The following CHRND variants were observed in gnomAD, a reference collection of about 807,000 sequenced individuals.
The protein encoded by CHRND is cholinergic receptor nicotinic delta subunit.
Under a neutral mutation model 57.8 loss-of-function variants are expected in CHRND, and 40 were observed. That is an observed-to-expected ratio of 0.69 (90% confidence interval 0.54 to 0.90). CHRND has a LOEUF of 0.90. CHRND is among the 40% of genes least tolerant of loss of function. CHRND has a pLI of 0.00. For synonymous variants in CHRND, 237 were observed against 270.6 expected (o/e 0.88, Z 1.22); for missense variants, 634 against 673.9 (o/e 0.94, Z 0.66).
Position 232,535,149 on chromosome 2 carries a change from G to C in CHRND, c.1391G>C (p.Arg464Pro). 6.2e-7 allele frequency: 1 copy of C among 1,614,150 alleles called. No homozygotes were observed. The highest frequency in any genetic ancestry group is 8.5e-7 in the Non-Finnish European group (1 of 1,180,028). The change falls in exon 12 of 12, where the codon CGA becomes CCA. Residue 464 changes from arginine to proline, a missense_variant. Arg to Pro is a moderately radical substitution (Grantham distance 103). Coordinates refer to ENST00000258385, the MANE Select transcript of CHRND (RefSeq NM_000751.3). ...CCACAGGAGAAAGACAGCTGGAACC[G>C]AGTGGCCCGCACAGTGGACCGCCTC... The part of the protein sequence containing the change: ...NYNEEKDSWN[R>P]VARTVDRLCL...
Position 232,530,130 on chromosome 2 carries a change from C to T in CHRND, c.811C>T (p.Pro271Ser), listed in dbSNP as rs1691631338. The T allele has an allele frequency of 6.2e-7, 1 of 1,613,990 alleles. No homozygotes were observed. Among genetic ancestry groups the T allele is most frequent in the Admixed American group, 1.7e-5 (1 of 60,004 alleles). The change falls in exon 7 of 12, where the codon CCG (proline) becomes TCG (serine). Residue 271 changes from proline (P) to serine (S), a missense_variant. Coordinates refer to ENST00000258385, the MANE Select transcript of CHRND (RefSeq NM_000751.3). ...SFMVNLVFYL[P>S]ADSGEKTSVA... ...CATGGTCAACCTGGTCTTCTACCTA[C>T]CGGCTGACAGTGAGCCTCCAGGCCC...
chr2:232,529,943 C>T lies in CHRND; in HGVS notation c.624C>T (p.Asn208=), dbSNP rs1473541483. 12 of 1,613,894 alleles carry T rather than the reference C, an allele frequency of 7.4e-6. No homozygotes were observed. The highest frequency in any genetic ancestry group is 2.2e-5 in the East Asian group (1 of 44,860). ...IIIDPEGFTE[N]GEWEIVHRPA... The stretch of plus-strand genomic sequence containing the variant: ...ATGTCCATGTGCCGCCCTCAGAGAA[C>T]GGGGAGTGGGAGATAGTCCACCGGC... The change falls in exon 7 of 12, where the codon AAC becomes AAT. Residue 208 remains asparagine (N), a synonymous_variant. Coordinates refer to ENST00000258385, the MANE Select transcript of CHRND (RefSeq NM_000751.3).
At chr2:232,529,752 T>C (rs1244957504) in intron 6 of CHRND, among the ~76,000 whole-genome samples, 187 bp from the exon 7 acceptor site, 1 of 152,110 alleles carries the variant, frequency 6.6e-6, no homozygotes, top group Non-Finnish European at 1.5e-5. Context: ...CAGAGGAAGA[T>C]TTCCCCTCAC....
chr2:232,533,977 C>G lies in CHRND; in HGVS notation c.1094C>G (p.Ala365Gly). 1.9e-6 allele frequency: 3 copies of G among 1,613,758 alleles called. No individual in the cohort carries two copies. Among genetic ancestry groups the G allele is most frequent in the Non-Finnish European group, 2.5e-6 (3 of 1,180,028 alleles). Residue 365 changes from alanine to glycine, a missense_variant, in exon 10 of 12, where the codon GCA becomes GGA. Transcript: ENST00000258385. ...GAGCTCCTGCACATGTCCCGCCCAG[C>G]AGAGGATGGACCCAGCCCTGGGGCC... Reference protein sequence around the residue: ...LPELLHMSRPAEDGPSPGALV... With the variant: ...LPELLHMSRPGEDGPSPGALV...
Position 232,528,383 on chromosome 2 carries a change from C to G in CHRND, c.353+12C>G. 1 of 1,613,802 alleles carries G rather than the reference C, an allele frequency of 6.2e-7. No individual in the cohort carries two copies. Among genetic ancestry groups the G allele is most frequent in the South Asian group, 1.1e-5 (1 of 91,054 alleles). ...GTGCTGGAGAACAAGTTGAGCCAAG[C>G]CCTCCCTGACCTCCCCTCTGTCACC... is the stretch of plus-strand genomic sequence containing the variant. On this transcript the variant is annotated intron_variant, in intron 4 of 11. Coordinates refer to ENST00000258385, the MANE Select transcript of CHRND (RefSeq NM_000751.3).
chr2:232,526,863 C>T (rs922998695), intron 2 of CHRND, among the ~76,000 whole-genome samples, 189 bp downstream of exon 2: 23 of 152,302 alleles, frequency 1.5e-4, no homozygotes, highest in Admixed American at 5.9e-4. Flanking sequence ...CTGCGGTGTC[C>T]CCCAACCACA....
Position 232,526,280 on chromosome 2 carries a change from A to C in CHRND, c.52+13A>C. 3.7e-6 allele frequency: 6 copies of C among 1,609,190 alleles called. No individual in the cohort carries two copies. The highest frequency in any genetic ancestry group is 1.1e-5 in the South Asian group (1 of 90,656). ...CTGGCGGTGTGTGGTAAGGGAAGAC[A>C]CCCTCCCCACCCTGGGGTCCCCCGT... On this transcript the variant is annotated intron_variant, in intron 1 of 11. Coordinates refer to ENST00000258385, the MANE Select transcript of CHRND (RefSeq NM_000751.3).
In CHRND at chr2:232,535,969, A is replaced by C. The variant is rs1247816158; in HGVS notation, c.*657A>C. 4.4e-6 allele frequency: 2 copies of C among 454,106 alleles called. No homozygotes were observed. The highest frequency in any genetic ancestry group is 3.1e-5 in the South Asian group (2 of 64,480). The allele number at this position is 454,106 out of a possible 1,614,324, so 28.1% of individuals were successfully genotyped here. On this transcript the variant is annotated 3_prime_UTR_variant, in exon 12 of 12. Coordinates refer to ENST00000258385, the MANE Select transcript of CHRND (RefSeq NM_000751.3). Reference sequence around the variant, plus strand: ...GGACCAGAACGCAGCACCTCTCCCCAAAGGGTCCCTGCCCCCCAGCACCTA... The same window carrying C: ...GGACCAGAACGCAGCACCTCTCCCCCAAGGGTCCCTGCCCCCCAGCACCTA...
intron 2 of CHRND, among the ~76,000 whole-genome samples, 169 bp from the exon 3 acceptor site, chr2:232,527,232 G>A (rs1200666825): frequency 6.6e-6 from 1 of 152,078 alleles, no homozygotes; most frequent in Non-Finnish European, 1.5e-5. Context: ...CCAGGAGGCA[G>A]AGGTTGCAGG....
chr2:232,528,917 G>A lies in CHRND; in HGVS notation c.565G>A (p.Glu189Lys), dbSNP rs559391532. The A allele has an allele frequency of 1.9e-6, 3 of 1,614,104 alleles. No homozygotes were observed. In the Admixed American group the frequency reaches 5.0e-5, roughly 27 times the overall value. Residue 189 changes from glutamate to lysine, a missense_variant, in exon 6 of 12, where the codon GAG becomes AAG. By Grantham distance (56) the Glu-to-Lys change is moderately conservative. Transcript: ENST00000258385. ...CCTGAGCCTGAAACAGGATGCCAAG[G>A]AGAACCGCACCTACCCCGTGGAGTG... The part of the protein sequence containing the change: ...ITLSLKQDAK[E>K]NRTYPVEWII...
In CHRND at chr2:232,531,443, G is replaced by A. The variant is rs1315084069; in HGVS notation, c.912G>A (p.Met304Ile). The A allele has an allele frequency of 6.2e-6, 10 of 1,613,832 alleles. No homozygotes were observed. Among genetic ancestry groups the A allele is most frequent in the Non-Finnish European group, 8.5e-6 (10 of 1,179,982 alleles). ...LISKRLPATS[M>I]AIPLIGKFLL... ...CCAAGCGTCTGCCTGCCACATCCAT[G>A]GCCATCCCCCTTATCGGCAAGTGAG... Residue 304 changes from methionine to isoleucine, a missense_variant, in exon 8 of 12, where the codon ATG becomes ATA. By Grantham distance (10) the Met-to-Ile change is conservative (BLOSUM62 1). Transcript: ENST00000258385.
At chr2:232,532,210 A>G (rs1456371363) in intron 9 of CHRND, among the ~76,000 whole-genome samples, 1 of 151,910 alleles carries the variant, frequency 6.6e-6, no homozygotes, top group African/African-American at 2.4e-5. Flanking sequence ...GCTCACACCT[A>G]TAATCCCAGC....
At chr2:232,533,445 T>C (rs1372427709) in intron 9 of CHRND, among the ~76,000 whole-genome samples, 3 of 152,228 alleles carry the variant, frequency 2.0e-5, no homozygotes, top group Non-Finnish European at 2.9e-5. Flanking sequence ...CCATGGGTGA[T>C]GTGGGAGAGC....
chr2:232,526,911 C>T (rs903475055), intron 2 of CHRND, among the ~76,000 whole-genome samples: 5 of 152,212 alleles, frequency 3.3e-5, no homozygotes, highest in African/African-American at 1.2e-4. Flanking sequence ...CTTCAGAGGC[C>T]ACTGGTCCTC....
rs1342683734 is a variant in CHRND at position 232,536,600 on chromosome 2, G to A, written c.*1288G>A. On this transcript the variant is annotated 3_prime_UTR_variant, in exon 12 of 12. Transcript: ENST00000258385. ...TCCCTAAGCCAGAACCACCAGCTAAGTGACTCCTGGATTCCTGACCCCCAG... is the reference window on the plus strand; with the variant it reads ...TCCCTAAGCCAGAACCACCAGCTAAATGACTCCTGGATTCCTGACCCCCAG... 7 of 378,496 alleles carry A rather than the reference G, an allele frequency of 1.8e-5. No homozygotes were observed. Among genetic ancestry groups the A allele is most frequent in the South Asian group, 1.2e-4 (6 of 51,076 alleles). 23.4% of individuals were successfully genotyped at this position (378,496 alleles called of 1,614,324 possible). A position where few individuals can be genotyped will look rare whatever the true frequency, so the allele number is the denominator to read the frequency against.
chr2:232,528,456 C>T (rs562896574), intron 4 of CHRND, 45 bp from the exon 5 acceptor site: 47 of 1,613,964 alleles, frequency 2.9e-5, no homozygotes, highest in African/African-American at 1.7e-4. Flanking sequence ...CTCTGCCAGT[C>T]GTGAGTGGCC....
Position 232,531,591 on chromosome 2 carries a change from G to T in CHRND, c.982G>T (p.Val328Phe), listed in dbSNP as rs762813704. 2 of 1,613,932 alleles carry T rather than the reference G, an allele frequency of 1.2e-6. No individual in the cohort carries two copies. The highest frequency in any genetic ancestry group is 3.3e-5 in the Admixed American group (2 of 60,010). Residue 328 changes from valine to phenylalanine, a missense_variant, in exon 9 of 12, where the codon GTC becomes TTC. Coordinates refer to ENST00000258385, the MANE Select transcript of CHRND (RefSeq NM_000751.3). ...GGTCACCATGGTTGTGGTGATCTGT[G>T]TCATCGTGCTCAACATCCACTTCCG... ...VLVTMVVVIC[V>F]IVLNIHFRTP...
At chr2:232,527,466 C>T (rs372561197) in intron 3 of CHRND, 21 bp downstream of exon 3, 47 of 1,601,692 alleles carry the variant, frequency 2.9e-5, no homozygotes, top group Admixed American at 1.5e-4. Flanking sequence ...CCCTCCCAGC[C>T]GGGCGCAGTG....
Position 232,528,671 on chromosome 2 carries a change from C to T in CHRND, c.509+15C>T, listed in dbSNP as rs530673231. ...CTCAAGTTCAGGTGTGCCCTTTTCTCCAGCCACCCCTCACCCCAAAGCACC... is the reference window on the plus strand; with the variant it reads ...CTCAAGTTCAGGTGTGCCCTTTTCTTCAGCCACCCCTCACCCCAAAGCACC... On this transcript the variant is annotated intron_variant, in intron 5 of 11. Transcript: ENST00000258385. 3 of 1,613,664 alleles carry T rather than the reference C, an allele frequency of 1.9e-6. No homozygotes were observed. The highest frequency in any genetic ancestry group is 2.2e-5 in the East Asian group (1 of 44,876).
Sources: gnomAD v4.1 joint callset for allele counts (sites outside exome capture counted in the v4.1 genomes callset) on GRCh38, gnomAD v4.1.1 for gene constraint, MANE v1.5 for transcripts, NCBI Gene and HGNC (gene_info 2026-07-23, HGNC 2026-07-21) for gene names.